The following RSBN1L variants were observed in gnomAD, a reference collection of about 807,000 sequenced individuals.
RSBN1L encodes the protein lysine-specific demethylase RSBN1L.
RSBN1L carries 30 observed loss-of-function variants against 67.7 expected under a neutral mutation model. That is an observed-to-expected ratio of 0.44 (90% confidence interval 0.33 to 0.60). RSBN1L has a LOEUF of 0.60. Ranked by LOEUF, RSBN1L falls within the 20% of genes least tolerant of loss-of-function variation. The probability of loss-of-function intolerance (pLI) is 0.02; values close to 1 mark genes in which losing one functional copy is unlikely to be tolerated. For synonymous variants in RSBN1L, 433 were observed against 387.0 expected, an observed-to-expected ratio of 1.12 and a Z score of -1.39; for missense variants, 992 against 1,031.7, an observed-to-expected ratio of 0.96 and a Z score of 0.53.
intron 3 of RSBN1L, among the ~76,000 whole-genome samples, chr7:77,758,198 G>T (rs2150428891): frequency 6.6e-6 from 1 of 152,278 alleles, no homozygotes; most frequent in South Asian, 2.1e-4. Flanking sequence ...ACAGGTCATT[G>T]TCCAGGATGG....
At chr7:77,718,005 C>T (rs1002006698) in intron 1 of RSBN1L, among the ~76,000 whole-genome samples, 3 of 152,032 alleles carry the variant, frequency 2.0e-5, no homozygotes, top group South Asian at 2.1e-4. Context: ...GGCGACAGAG[C>T]GAGACTGTGT....
intron 3 of RSBN1L, among the ~76,000 whole-genome samples, chr7:77,751,716 A>G (rs540985866): frequency 2.0e-5 from 3 of 152,348 alleles, no homozygotes; most frequent in African/African-American, 7.2e-5. Context: ...GTAGTAACTC[A>G]TTTAATCCTC....
At chr7:77,703,492 T>G (rs1790846927) in intron 1 of RSBN1L, among the ~76,000 whole-genome samples, 1 of 131,246 alleles carries the variant, frequency 7.6e-6, no homozygotes, top group Non-Finnish European at 1.6e-5. Flanking sequence ...TTTTTTTTTT[T>G]TTTTTTTTTT....
intron 1 of RSBN1L, among the ~76,000 whole-genome samples, chr7:77,725,359 C>A (rs1392684814): frequency 3.8e-5 from 2 of 52,990 alleles, no homozygotes; most frequent in Admixed American, 3.3e-4. Flanking sequence ...ATCGATTCTC[C>A]TGCCTCAGCC....
At chr7:77,765,416 T>C (rs1791748176) in intron 3 of RSBN1L, 79 bp from the exon 4 acceptor site, 7 of 1,100,766 alleles carry the variant, frequency 6.4e-6, no homozygotes, top group Non-Finnish European at 7.5e-6. Flanking sequence ...CATTATCTTA[T>C]GTGTAACTTT....
chr7:77,700,885 G>A (rs1331205700), intron 1 of RSBN1L, among the ~76,000 whole-genome samples: 4 of 151,748 alleles, frequency 2.6e-5, no homozygotes, highest in Non-Finnish European at 5.9e-5. Context: ...GGCCGGGCGC[G>A]GTGGCTCACG....
intron 1 of RSBN1L, among the ~76,000 whole-genome samples, chr7:77,732,346 T>C (rs552199536): frequency 5.3e-4 from 80 of 152,334 alleles, no homozygotes; most frequent in African/African-American, 1.8e-3. Context: ...TTTCATTTTT[T>C]CTTTGAGACT....
intron 2 of RSBN1L, among the ~76,000 whole-genome samples, chr7:77,738,022 CAAAAA>C (rs957828041): frequency 9.1e-6 from 1 of 109,586 alleles, no homozygotes; most frequent in Non-Finnish European, 1.9e-5. Context: ...GATTCAGTCT[CAAAAA>C]AAAAAAAAGA....
In RSBN1L at chr7:77,755,713, GA is replaced by G. The variant is rs530173805; in HGVS notation, c.1344+5659del. Among the ~76,000 whole-genome samples the G allele has an allele frequency of 2.1e-3, 310 of 150,038 alleles. 1 individual carries two copies. The highest frequency in any genetic ancestry group is 4.7e-3 in the Admixed American group (71 of 15,046). ...ACAAACAACCTCTGATAAGCCCACT[GA>G]AAAAAAAAATTGTAAGTAAGCTGAA... is the stretch of plus-strand genomic sequence containing the variant. On this transcript the variant is annotated intron_variant, in intron 3 of 7. Transcript: ENST00000334955.
chr7:77,698,403 C>T lies in RSBN1L; in HGVS notation c.586+1348C>T, dbSNP rs1790769934. 2.0e-5 allele frequency among the ~76,000 whole-genome samples: 3 copies of T among 152,100 alleles called. No individual in the cohort carries two copies. The South Asian group carries it at 6.2e-4, about 31-fold the overall frequency. On this transcript the variant is annotated intron_variant, in intron 1 of 7. Coordinates refer to ENST00000334955, the MANE Select transcript of RSBN1L (RefSeq NM_198467.3). The stretch of plus-strand genomic sequence containing the variant: ...ATATGTAAAATTTAGGAGATAAGTG[C>T]CTGGAAGTTTGTCCATATGCAGCTT...
chr7:77,712,977 G>A (rs1273275820), intron 1 of RSBN1L, among the ~76,000 whole-genome samples: 3 of 152,184 alleles, frequency 2.0e-5, no homozygotes, highest in Admixed American at 2.0e-4. Flanking sequence ...CATTATATAT[G>A]AGACTGTCCA....
chr7:77,726,182 TCA>T (rs1791201287), intron 1 of RSBN1L, among the ~76,000 whole-genome samples: 1 of 152,240 alleles, frequency 6.6e-6, no homozygotes, highest in African/African-American at 2.4e-5. Context: ...AGCACGTTTA[TCA>T]TAGTTAAGAA....
At chr7:77,778,494 A>G (rs1791948587) in intron 7 of RSBN1L, 36 bp from the exon 8 acceptor site, 3 of 1,595,956 alleles carry the variant, frequency 1.9e-6, no homozygotes, top group African/African-American at 2.7e-5. Flanking sequence ...TATTATGAAG[A>G]GAGTTATTTG....
intron 3 of RSBN1L, among the ~76,000 whole-genome samples, chr7:77,754,632 C>T (rs549265598): frequency 6.6e-6 from 1 of 152,142 alleles, no homozygotes; most frequent in Non-Finnish European, 1.5e-5. Flanking sequence ...CTCCATTTAT[C>T]TTCCAACATC....
At chr7:77,756,438 T>C (rs905936772) in intron 3 of RSBN1L, among the ~76,000 whole-genome samples, 2 of 152,102 alleles carry the variant, frequency 1.3e-5, no homozygotes, top group African/African-American at 4.8e-5. Flanking sequence ...CTGACCTTTA[T>C]TTTTTAGAAT....
At chr7:77,719,260 A>G (rs911727033) in intron 1 of RSBN1L, among the ~76,000 whole-genome samples, 15 of 152,222 alleles carry the variant, frequency 9.9e-5, no homozygotes, top group African/African-American at 3.6e-4. Flanking sequence ...TTAGCTAAAT[A>G]TACAACTTTT....
chr7:77,775,818 G>C (rs1791905902), intron 6 of RSBN1L, among the ~76,000 whole-genome samples: 1 of 152,110 alleles, frequency 6.6e-6, no homozygotes. Context: ...CATTTTGGGA[G>C]GCCAAGGCGG....
At chr7:77,697,220 C>A in intron 1 of RSBN1L, 165 bp downstream of exon 1, 2 of 659,280 alleles carry the variant, frequency 3.0e-6, no homozygotes, top group Non-Finnish European at 2.1e-6. Flanking sequence ...CCCAAGGGGA[C>A]AGGAAATGGA....
chr7:77,697,822 T>A (rs1790760851), intron 1 of RSBN1L, among the ~76,000 whole-genome samples: 1 of 152,238 alleles, frequency 6.6e-6, no homozygotes, highest in African/African-American at 2.4e-5. Context: ...TCTTAAGGGT[T>A]CTTGTCAGAC....
Sources: gnomAD v4.1 joint callset for allele counts (sites outside exome capture counted in the v4.1 genomes callset) on GRCh38, gnomAD v4.1.1 for gene constraint, MANE v1.5 for transcripts, NCBI Gene and HGNC (gene_info 2026-07-23, HGNC 2026-07-21) for gene names.